The following CADPS variants were observed in gnomAD, a reference collection of about 807,000 sequenced individuals.
The protein encoded by CADPS is calcium dependent secretion activator, also known as calcium-dependent secretion activator 1.
Under a neutral mutation model 167.3 loss-of-function variants are expected in CADPS, and 57 were observed. The observed-to-expected ratio is 0.34, with a 90% CI of 0.28 to 0.42. The LOEUF (loss-of-function observed/expected upper bound fraction) is 0.42, where lower values mean the gene tolerates loss of function less well. Ranked by LOEUF, CADPS falls within the 20% of genes least tolerant of loss-of-function variation. The pLI, the probability that CADPS is intolerant of heterozygous loss-of-function variation, is 1.00. For synonymous variants in CADPS, 676 were observed against 635.3 expected (o/e 1.06, Z -0.96); for missense variants, 1,414 against 1,738.1 (o/e 0.81, Z 3.32).
intron 6 of CADPS, among the ~76,000 whole-genome samples, chr3:62,616,328 G>A (rs1441723055): frequency 6.6e-6 from 1 of 151,898 alleles, no homozygotes; most frequent in Non-Finnish European, 1.5e-5. Flanking sequence ...CTTGTGTCAG[G>A]CACGTATATT....
Position 62,417,276 on chromosome 3 carries a change from C to CTTTTTTTTTTTTTTTTTTTTTTT in CADPS, c.3778-14114_3778-14092dup, listed in dbSNP as rs11353455. The stretch of plus-strand genomic sequence containing the variant: ...ACACAATAACTATTTTTCTTTTACT[C>CTTTTTTTTTTTTTTTTTTTTTTT]TTTTTTTTTTTTTTTTTTTTTTTTT... On this transcript the variant is annotated intron_variant, in intron 28 of 29. Transcript: ENST00000383710. Among the ~76,000 whole-genome samples the CTTTTTTTTTTTTTTTTTTTTTTT allele has an allele frequency of 1.9e-4, 12 of 64,044 alleles. 6 individuals carry two copies. Among genetic ancestry groups the CTTTTTTTTTTTTTTTTTTTTTTT allele is most frequent in the Admixed American group, 4.1e-4 (2 of 4,890 alleles). The allele number at this position is 64,044 out of a possible 152,430, so 42.0% of individuals were successfully genotyped here. A position where few individuals can be genotyped will look rare whatever the true frequency, so the allele number is the denominator to read the frequency against.
At chr3:62,607,825 C>T (rs1364530954) in intron 6 of CADPS, among the ~76,000 whole-genome samples, 1 of 152,110 alleles carries the variant, frequency 6.6e-6, no homozygotes, top group Non-Finnish European at 1.5e-5. Context: ...TGGGTTTGGT[C>T]TTTATTTTCT....
intron 19 of CADPS, among the ~76,000 whole-genome samples, chr3:62,493,237 A>AATGT (rs2064039217): frequency 6.6e-6 from 1 of 152,190 alleles, no homozygotes; most frequent in Non-Finnish European, 1.5e-5. Flanking sequence ...TTCACATCAG[A>AATGT]CTGGGCCAGA....
intron 6 of CADPS, among the ~76,000 whole-genome samples, chr3:62,632,513 C>A (rs767749837): frequency 6.6e-6 from 1 of 152,024 alleles, no homozygotes; most frequent in African/African-American, 2.4e-5. Flanking sequence ...AAGATTCCAC[C>A]GTAGAGTTGG....
At chr3:62,697,563 A>G (rs2080562551) in intron 3 of CADPS, among the ~76,000 whole-genome samples, 2 of 152,090 alleles carry the variant, frequency 1.3e-5, no homozygotes. Context: ...GCTGCTATAA[A>G]CATACGTGTG....
intron 6 of CADPS, among the ~76,000 whole-genome samples, chr3:62,624,360 A>G (rs1048467598): frequency 1.3e-5 from 2 of 152,102 alleles, no homozygotes; most frequent in African/African-American, 4.8e-5. Flanking sequence ...AACCCTTCCC[A>G]GTTCCAGCTG....
At chr3:62,827,189 A>G (rs1020879803) in intron 1 of CADPS, among the ~76,000 whole-genome samples, 6 of 152,310 alleles carry the variant, frequency 3.9e-5, no homozygotes, top group Middle Eastern at 3.4e-3. Context: ...AGCTGGAAAT[A>G]CAATATAATC....
chr3:62,516,952 C>A (rs962445153), intron 14 of CADPS, among the ~76,000 whole-genome samples: 58 of 152,116 alleles, frequency 3.8e-4, no homozygotes, highest in Middle Eastern at 3.4e-3. Context: ...TCAAATGTGA[C>A]CTTATATGTT....
At chr3:62,873,512 T>C (rs1194684093) in intron 1 of CADPS, among the ~76,000 whole-genome samples, 1 of 151,720 alleles carries the variant, frequency 6.6e-6, no homozygotes, top group Non-Finnish European at 1.5e-5. Context: ...TCCAGCTGGG[T>C]TCCTGCCTGC....
chr3:62,475,074 A>G (rs1161651120), intron 23 of CADPS, among the ~76,000 whole-genome samples: 1 of 152,236 alleles, frequency 6.6e-6, no homozygotes, highest in South Asian at 2.1e-4. Flanking sequence ...TTTTATATGT[A>G]CGCTTAATAT....
At chr3:62,647,910 A>G (rs2068963488) in intron 5 of CADPS, among the ~76,000 whole-genome samples, 1 of 152,162 alleles carries the variant, frequency 6.6e-6, no homozygotes, top group Admixed American at 6.5e-5. Flanking sequence ...GGCATTCTAC[A>G]AACACCTGTT....
intron 2 of CADPS, among the ~76,000 whole-genome samples, chr3:62,755,846 C>T (rs1048925412): frequency 5.9e-5 from 9 of 152,202 alleles, no homozygotes; most frequent in African/African-American, 2.2e-4. Context: ...ACCTGTAACA[C>T]TTAATGGGGA....
chr3:62,426,870 A>T (rs1005734828), intron 28 of CADPS, among the ~76,000 whole-genome samples: 1 of 151,386 alleles, frequency 6.6e-6, no homozygotes, highest in African/African-American at 2.4e-5. Context: ...GATCGAGACC[A>T]TACTGGCTAA....
In CADPS at chr3:62,479,887, A is replaced by T. The variant is rs184426831; in HGVS notation, c.3174-1471T>A. 2.5e-3 allele frequency among the ~76,000 whole-genome samples: 385 copies of T among 152,258 alleles called. 1 individual carries two copies. Among genetic ancestry groups the T allele is most frequent in the Admixed American group, 4.8e-3 (73 of 15,288 alleles). ...AAAGTTCAGCCTTCCCCCTGCCCCA[A>T]CCTATGCTTGGGAAAAAGAAACCCC... On this transcript the variant is annotated intron_variant, in intron 22 of 29. Transcript: ENST00000383710.
intron 1 of CADPS, among the ~76,000 whole-genome samples, chr3:62,858,925 A>G (rs144298221): frequency 2.6e-5 from 4 of 152,300 alleles, no homozygotes; most frequent in Admixed American, 1.3e-4. Context: ...TGGATTTTTA[A>G]AAAAACTTAG....
At chr3:62,661,490 C>T (rs770862175) in intron 4 of CADPS, among the ~76,000 whole-genome samples, 23 of 151,946 alleles carry the variant, frequency 1.5e-4, no homozygotes, top group African/African-American at 1.5e-4. Context: ...TAGTTGGACT[C>T]GGGAGTTCCG....
At chr3:62,519,817 C>T (rs570056090) in intron 13 of CADPS, among the ~76,000 whole-genome samples, 12 of 152,028 alleles carry the variant, frequency 7.9e-5, no homozygotes, top group Non-Finnish European at 1.8e-4. Context: ...ATGAAACGTC[C>T]GTGAATCTAC....
chr3:62,440,503 C>G (rs1372914928), intron 27 of CADPS: 1 of 146,496 alleles, frequency 6.8e-6, no homozygotes, highest in Admixed American at 6.8e-5. Context: ...ATTCCCCCCC[C>G]CCCCCATAAT....
At chr3:62,842,894 C>T (rs577792080) in intron 1 of CADPS, among the ~76,000 whole-genome samples, 6 of 152,230 alleles carry the variant, frequency 3.9e-5, no homozygotes, top group East Asian at 3.9e-4. Context: ...ATCTGTACTG[C>T]GTAACCAAGG....
Sources: allele counts gnomAD v4.1 joint callset (sites outside exome capture counted in the v4.1 genomes callset), GRCh38; gene constraint gnomAD v4.1.1; transcripts MANE v1.5; gene names NCBI Gene and HGNC (gene_info 2026-07-23, HGNC 2026-07-21).